Variants in RSPO2 observed in about 807,000 individuals in gnomAD.
RSPO2 encodes R-spondin-2.
Under a neutral mutation model 30.9 loss-of-function variants are expected in RSPO2, and 14 were observed. That is an observed-to-expected ratio of 0.45 (90% CI 0.30 to 0.71). RSPO2 has a LOEUF of 0.71. Ranked by LOEUF, RSPO2 falls within the 30% of genes least tolerant of loss-of-function variation. The pLI is 0.08. For synonymous variants in RSPO2, 107 were observed against 96.4 expected (o/e 1.11, Z -0.64); for missense variants, 264 against 301.9 (o/e 0.87, Z 0.93).
At chr8:107,905,170 T>G (rs1248772567) in intron 5 of RSPO2, among the ~76,000 whole-genome samples, 5 of 152,096 alleles carry the variant, frequency 3.3e-5, no homozygotes, top group African/African-American at 1.2e-4. Flanking sequence ...AAATGCTCTC[T>G]TTCCTCTCAC....
intron 5 of RSPO2, among the ~76,000 whole-genome samples, chr8:107,931,864 G>T (rs1224911157): frequency 1.3e-5 from 2 of 152,118 alleles, no homozygotes; most frequent in African/African-American, 4.8e-5. Context: ...GATTAAGAAT[G>T]ACAAAAGACA....
intron 2 of RSPO2, among the ~76,000 whole-genome samples, chr8:108,042,554 T>C (rs766817365): frequency 6.6e-6 from 1 of 152,038 alleles, no homozygotes; most frequent in Non-Finnish European, 1.5e-5. Context: ...TTAATTAGAA[T>C]GGCAATAAGA....
At chr8:107,958,640 A>G (rs933305110) in intron 4 of RSPO2, among the ~76,000 whole-genome samples, 5 of 152,092 alleles carry the variant, frequency 3.3e-5, no homozygotes, top group African/African-American at 1.2e-4. Flanking sequence ...TCAACCCATC[A>G]CCCAGGTATT....
chr8:108,002,542 T>C (rs893516071), intron 2 of RSPO2, among the ~76,000 whole-genome samples: 1 of 152,216 alleles, frequency 6.6e-6, no homozygotes, highest in Non-Finnish European at 1.5e-5. Context: ...ATTTAATGTA[T>C]AATTCTCACC....
chr8:108,080,562 T>C (rs1474997161), intron 2 of RSPO2, among the ~76,000 whole-genome samples: 1 of 152,148 alleles, frequency 6.6e-6, no homozygotes, highest in East Asian at 1.9e-4. Context: ...TAAGAAGGCA[T>C]AGGCAGATTC....
At chr8:108,032,899 A>C (rs751270145) in intron 2 of RSPO2, among the ~76,000 whole-genome samples, 3 of 151,836 alleles carry the variant, frequency 2.0e-5, no homozygotes, top group East Asian at 3.9e-4. Context: ...CTCTACTAAA[A>C]ATTAGCCGGG....
At chr8:107,928,742 C>G (rs1812462016) in intron 5 of RSPO2, among the ~76,000 whole-genome samples, 1 of 152,122 alleles carries the variant, frequency 6.6e-6, no homozygotes, top group African/African-American at 2.4e-5. Context: ...TTCTCTAGGG[C>G]TTCAGTTTCT....
intron 5 of RSPO2, among the ~76,000 whole-genome samples, chr8:107,927,151 T>C (rs1389148991): frequency 2.6e-5 from 4 of 152,222 alleles, no homozygotes; most frequent in Admixed American, 2.0e-4. Flanking sequence ...TTATTCTCTT[T>C]GAAGCAATTG....
intron 5 of RSPO2, among the ~76,000 whole-genome samples, chr8:107,932,614 C>T (rs956406507): frequency 2.0e-5 from 3 of 152,004 alleles, no homozygotes; most frequent in African/African-American, 7.2e-5. Flanking sequence ...CCTAAGAATG[C>T]TTGGGGTAGC....
chr8:107,981,092 T>C (rs1445432713), intron 3 of RSPO2, among the ~76,000 whole-genome samples: 2 of 152,236 alleles, frequency 1.3e-5, no homozygotes, highest in Non-Finnish European at 2.9e-5. Flanking sequence ...ACACATTATA[T>C]AGAATTTATG....
At chr8:108,000,354 C>T (rs1472312332) in intron 2 of RSPO2, among the ~76,000 whole-genome samples, 1 of 152,124 alleles carries the variant, frequency 6.6e-6, no homozygotes, top group African/African-American at 2.4e-5. Flanking sequence ...AAAGCAGTGT[C>T]CCTTCAACAT....
intron 5 of RSPO2, among the ~76,000 whole-genome samples, chr8:107,901,550 C>T (rs951968349): frequency 5.3e-5 from 8 of 152,188 alleles, no homozygotes; most frequent in Admixed American, 2.6e-4. Context: ...TACTGCTCCA[C>T]GTGTCAGTGG....
chr8:107,983,258 C>A, intron 3 of RSPO2: 1 of 1,588,620 alleles, frequency 6.3e-7, no homozygotes. Context: ...ATGAAGCTGA[C>A]ACAGTCTGAG....
intron 2 of RSPO2, among the ~76,000 whole-genome samples, chr8:108,055,315 A>T (rs762834288): frequency 1.3e-5 from 2 of 152,142 alleles, no homozygotes; most frequent in Non-Finnish European, 2.9e-5. Context: ...GGACTGAGAT[A>T]ATGAAAGGAG....
chr8:107,964,446 G>A (rs867156573), intron 3 of RSPO2, among the ~76,000 whole-genome samples: 3 of 152,132 alleles, frequency 2.0e-5, no homozygotes, highest in African/African-American at 7.2e-5. Flanking sequence ...GTTTCACCAT[G>A]TTGGTCAGGC....
chr8:108,058,238 C>G (rs892257404), intron 2 of RSPO2, among the ~76,000 whole-genome samples: 2 of 152,140 alleles, frequency 1.3e-5, no homozygotes, highest in Non-Finnish European at 2.9e-5. Context: ...TGAGTGAACT[C>G]CCATTCACAA....
chr8:107,899,822 T>G lies in RSPO2; in HGVS notation c.*1253A>C, dbSNP rs1811382834. 6.6e-6 allele frequency: 1 copy of G among 152,192 alleles called. No individual in the cohort carries two copies. The highest frequency in any genetic ancestry group is 6.5e-5 in the Admixed American group (1 of 15,280). The allele number at this position is 152,192 out of a possible 1,614,324, so 9.4% of individuals were successfully genotyped here. A position where few individuals can be genotyped will look rare whatever the true frequency, so the allele number is the denominator to read the frequency against. ...CTGCTCTGAAAGTCACCTGGGAAGT[T>G]TCCATAGTGTTCCTCTCCATCTTGG... On this transcript the variant is annotated 3_prime_UTR_variant, in exon 6 of 6. Coordinates refer to ENST00000276659, the MANE Select transcript of RSPO2 (RefSeq NM_178565.5).
At chr8:108,051,066 T>C (rs1372527708) in intron 2 of RSPO2, among the ~76,000 whole-genome samples, 1 of 152,196 alleles carries the variant, frequency 6.6e-6, no homozygotes, top group Non-Finnish European at 1.5e-5. Flanking sequence ...TGAAGAACAC[T>C]GCAGGGCTTT....
chr8:108,065,311 A>G (rs1441716963), intron 2 of RSPO2, among the ~76,000 whole-genome samples: 1 of 150,710 alleles, frequency 6.6e-6, no homozygotes, highest in Non-Finnish European at 1.5e-5. Context: ...AAAAAAGAAG[A>G]GTACTACGAA....
Sources: allele counts gnomAD v4.1 joint callset (sites outside exome capture counted in the v4.1 genomes callset), GRCh38; gene constraint gnomAD v4.1.1; transcripts MANE v1.5; gene names NCBI Gene and HGNC (gene_info 2026-07-23, HGNC 2026-07-21).